IYD: variants seen among roughly 807,000 people sequenced by gnomAD.
IYD encodes the protein iodotyrosine deiodinase.
In IYD, 25 loss-of-function variants were observed where a neutral mutation model predicts 28.4. The ratio of observed to expected loss-of-function variants is 0.88; its 90% CI spans 0.64 to 1.23. The LOEUF (loss-of-function observed/expected upper bound fraction) is 1.23, where lower values mean the gene tolerates loss of function less well. Ranked by LOEUF, IYD falls within the 50% of genes most tolerant of loss-of-function variation. The pLI is 0.00. For missense variants in IYD, 352 were observed against 357.9 expected, an observed-to-expected ratio of 0.98 and a Z score of 0.13; for synonymous variants, 140 against 130.8, an observed-to-expected ratio of 1.07 and a Z score of -0.48.
Position 150,403,201 on chromosome 6 carries a change from A to G in IYD, c.*4964A>G, listed in dbSNP as rs1375742365. On this transcript the variant is annotated 3_prime_UTR_variant, in exon 5 of 5. Transcript: ENST00000344419. The stretch of plus-strand genomic sequence containing the variant: ...ATATCAGTAAGTGGAAGAAAAACAC[A>G]TAGTTATCAGTGGATATTATGCCAG... 1 of 152,268 alleles carries G rather than the reference A, an allele frequency of 6.6e-6. No homozygotes were observed. The highest frequency in any genetic ancestry group is 1.9e-4 in the East Asian group (1 of 5,204). The allele number at this position is 152,268 out of a possible 1,614,324, so 9.4% of individuals were successfully genotyped here. A position where few individuals can be genotyped will look rare whatever the true frequency, so the allele number is the denominator to read the frequency against.
intron 1 of IYD, among the ~76,000 whole-genome samples, chr6:150,374,966 T>C (rs654476): frequency 0.71 from 108,394 of 151,792 alleles, 40,005 homozygotes; most frequent in Middle Eastern, 0.83. Flanking sequence ...TGGCATGCTT[T>C]GGGGTAATAT....
In IYD at chr6:150,374,264, A is replaced by G. The variant is rs1777367942; in HGVS notation, c.178+5055A>G. On this transcript the variant is annotated intron_variant, in intron 1 of 4. Coordinates refer to ENST00000344419, the MANE Select transcript of IYD (RefSeq NM_203395.3). ...TCATAGGGAAATGAAGATCCAAAGG[A>G]ACAGTTAAACCTGTGTGTTTTCATG... Among the ~76,000 whole-genome samples, 4 of 152,256 alleles carry G rather than the reference A, an allele frequency of 2.6e-5. No individual in the cohort carries two copies. The South Asian group carries it at 8.3e-4, about 32-fold the overall frequency.
rs1404369709 is a variant in IYD, at chr6:150,402,103, A to G, written c.*3866A>G. The G allele has an allele frequency of 2.0e-5, 3 of 152,252 alleles. No individual in the cohort carries two copies. 9.4% of individuals were successfully genotyped at this position (152,252 alleles called of 1,614,324 possible). A position where few individuals can be genotyped will look rare whatever the true frequency, so the allele number is the denominator to read the frequency against. On this transcript the variant is annotated 3_prime_UTR_variant, in exon 5 of 5. Coordinates refer to ENST00000344419, the MANE Select transcript of IYD (RefSeq NM_203395.3). ...TGAGAACCATGGGGCATTGGCAATC[A>G]ACAAATGCAATGCTTGTGACTTGAC...
In IYD at chr6:150,376,472, T is replaced by A. The variant is rs1777449050; in HGVS notation, c.178+7263T>A. ...CAAAGAACAATGCCTTGGGATGAAG[T>A]TCCTTGAGCTTATGAGAGGCAGTGG... is the stretch of plus-strand genomic sequence containing the variant. On this transcript the variant is annotated intron_variant, in intron 1 of 4. Coordinates refer to ENST00000344419, the MANE Select transcript of IYD (RefSeq NM_203395.3). 2.0e-5 allele frequency among the ~76,000 whole-genome samples: 3 copies of A among 152,036 alleles called. No individual in the cohort carries two copies. In the South Asian group the frequency reaches 6.2e-4, roughly 32 times the overall value.
intron 3 of IYD, among the ~76,000 whole-genome samples, chr6:150,393,008 G>A (rs549628423): frequency 3.3e-5 from 5 of 152,128 alleles, no homozygotes; most frequent in Non-Finnish European, 7.4e-5. Flanking sequence ...TCCGGGCGCC[G>A]AAGCACAGTC....
At position 150,399,517 on chromosome 6, in the gene IYD, ACT is replaced by A. The variant is rs1778443924; in HGVS notation, c.*1283_*1284del. ...AGGGGTGTCATATTTACAGAGGCAA[ACT>A]CTTACAGCTTGGATGATTTCTCATC... is the stretch of plus-strand genomic sequence containing the variant. On this transcript the variant is annotated 3_prime_UTR_variant, in exon 5 of 5. Coordinates refer to ENST00000344419, the MANE Select transcript of IYD (RefSeq NM_203395.3). The A allele has an allele frequency of 6.6e-6, 1 of 151,880 alleles. No homozygotes were observed. The highest frequency in any genetic ancestry group is 1.5e-5 in the Non-Finnish European group (1 of 67,948). 9.4% of individuals were successfully genotyped at this position (151,880 alleles called of 1,614,324 possible).
intron 4 of IYD, chr6:150,396,237 A>G (rs530228985): frequency 2.0e-4 from 76 of 373,298 alleles, no homozygotes; most frequent in African/African-American, 1.5e-3. Context: ...GCTAAATTTC[A>G]GTTAGATGTT....
intron 1 of IYD, among the ~76,000 whole-genome samples, chr6:150,387,631 TTCTA>T (rs901047312): frequency 2.9e-4 from 44 of 152,090 alleles, no homozygotes; most frequent in African/African-American, 1.1e-3. Flanking sequence ...CCTCTATATT[TTCTA>T]TCTTTTTGTC....
intron 1 of IYD, among the ~76,000 whole-genome samples, chr6:150,370,216 T>A (rs547782902): frequency 1.4e-5 from 2 of 142,416 alleles, no homozygotes; most frequent in East Asian, 2.2e-4. Context: ...CATGTGTGTG[T>A]GCGCGTGCGT....
At position 150,385,646 on chromosome 6, in the gene IYD, G is replaced by A. The variant is rs560396649; in HGVS notation, c.179-3706G>A. 1.4e-4 allele frequency among the ~76,000 whole-genome samples: 22 copies of A among 151,892 alleles called. No individual in the cohort carries two copies. In the South Asian group the frequency reaches 4.6e-3, roughly 31 times the overall value. ...TGTACCATGTTTGTGAGGAAGTTGA[G>A]CCTGTAGTTTTTTGTTCTCTTAATG... On this transcript the variant is annotated intron_variant, in intron 1 of 4. Coordinates refer to ENST00000344419, the MANE Select transcript of IYD (RefSeq NM_203395.3).
chr6:150,371,164 A>G (rs1243218319), intron 1 of IYD, among the ~76,000 whole-genome samples: 1 of 152,250 alleles, frequency 6.6e-6, no homozygotes, highest in Non-Finnish European at 1.5e-5. Flanking sequence ...GGATCATAAC[A>G]GTAACAAGCC....
chr6:150,400,190 T>C lies in IYD; in HGVS notation c.*1953T>C, dbSNP rs1240516799. On this transcript the variant is annotated 3_prime_UTR_variant, in exon 5 of 5. Coordinates refer to ENST00000344419, the MANE Select transcript of IYD (RefSeq NM_203395.3). ...GGAGTTGGCCTGCAGGGAGTCAGCC[T>C]TACCCCATCAGAGACCAACTTGAAA... The C allele has an allele frequency of 6.6e-6, 1 of 152,222 alleles. No individual in the cohort carries two copies. Among genetic ancestry groups the C allele is most frequent in the Non-Finnish European group, 1.5e-5 (1 of 68,054 alleles). The allele number at this position is 152,222 out of a possible 1,614,324, so 9.4% of individuals were successfully genotyped here.
At chr6:150,388,337 T>G (rs1225452672) in intron 1 of IYD, among the ~76,000 whole-genome samples, 1 of 152,204 alleles carries the variant, frequency 6.6e-6, no homozygotes, top group Non-Finnish European at 1.5e-5. Flanking sequence ...AAAAATGGAA[T>G]TCAAATGTGT....
At chr6:150,387,126 C>T (rs1436149260) in intron 1 of IYD, among the ~76,000 whole-genome samples, 1 of 152,156 alleles carries the variant, frequency 6.6e-6, no homozygotes, top group East Asian at 1.9e-4. Context: ...TACCTGTAGG[C>T]AAGAAGCCTG....
At chr6:150,371,896 A>G (rs1359900226) in intron 1 of IYD, among the ~76,000 whole-genome samples, 2 of 152,186 alleles carry the variant, frequency 1.3e-5, no homozygotes, top group African/African-American at 4.8e-5. Flanking sequence ...ACCAGTGAGA[A>G]CCAATGCTTA....
chr6:150,390,806 C>T (rs1316369702), intron 2 of IYD, among the ~76,000 whole-genome samples: 1 of 152,132 alleles, frequency 6.6e-6, no homozygotes, highest in African/African-American at 2.4e-5. Flanking sequence ...GGAATTGAGG[C>T]TCCTTGGACA....
At chr6:150,374,324 A>G (rs660382) in intron 1 of IYD, among the ~76,000 whole-genome samples, 108,696 of 152,168 alleles carry the variant, frequency 0.71, 40,138 homozygotes, top group Middle Eastern at 0.83. Context: ...TCGTGGAGAC[A>G]TACAAGAGGA....
At chr6:150,396,645 C>A in intron 4 of IYD, 3 of 436,468 alleles carry the variant, frequency 6.9e-6, no homozygotes, top group Admixed American at 4.2e-5. Context: ...GAGGCCAAGG[C>A]GGGCGGATCA....
chr6:150,375,625 T>C (rs1043865823), intron 1 of IYD, among the ~76,000 whole-genome samples: 1 of 105,544 alleles, frequency 9.5e-6, no homozygotes, highest in Non-Finnish European at 2.2e-5. Context: ...AGCAGCCTGA[T>C]GAATGCTTGA....
Sources: gnomAD v4.1 joint callset for allele counts (sites outside exome capture counted in the v4.1 genomes callset) on GRCh38, gnomAD v4.1.1 for gene constraint, MANE v1.5 for transcripts, NCBI Gene and HGNC (gene_info 2026-07-23, HGNC 2026-07-21) for gene names.